Variants in SPATS2L observed in about 807,000 individuals in gnomAD.
The protein encoded by SPATS2L is spermatogenesis associated serine rich 2 like.
Under a neutral mutation model 59.6 loss-of-function variants are expected in SPATS2L, and 30 were observed. The ratio of observed to expected loss-of-function variants is 0.50; its 90% CI spans 0.38 to 0.68. The LOEUF is 0.68. Among genes scored for constraint, SPATS2L ranks in the 30% least tolerant of loss-of-function variants. The pLI is 0.00. For missense variants in SPATS2L, 615 were observed against 700.0 expected (o/e 0.88, Z 1.37); for synonymous variants, 252 against 263.5 (o/e 0.96, Z 0.42).
intron 8 of SPATS2L, among the ~76,000 whole-genome samples, chr2:200,457,488 C>A (rs1169671590): frequency 6.6e-6 from 1 of 152,220 alleles, no homozygotes; most frequent in South Asian, 2.1e-4. Context: ...TCTCACTGTA[C>A]ACCTTTCTGT....
At chr2:200,411,733 A>G (rs1051355512) in intron 3 of SPATS2L, among the ~76,000 whole-genome samples, 42 of 152,196 alleles carry the variant, frequency 2.8e-4, no homozygotes, top group African/African-American at 9.2e-4. Context: ...TCAATGTTTG[A>G]TTTTCAGAAG....
At chr2:200,307,905 G>C (rs7580924) in intron 1 of SPATS2L, among the ~76,000 whole-genome samples, 60,484 of 152,078 alleles carry the variant, frequency 0.4, 13,420 homozygotes, top group East Asian at 0.73. Context: ...CTATATTACA[G>C]GGTTTGTAGC....
At chr2:200,322,222 C>T (rs1273372005) in intron 1 of SPATS2L, among the ~76,000 whole-genome samples, 1 of 152,146 alleles carries the variant, frequency 6.6e-6, no homozygotes, top group Non-Finnish European at 1.5e-5. Context: ...AAGGAAACCT[C>T]AAGGAAGAAA....
At chr2:200,457,341 C>T (rs1441603761) in intron 8 of SPATS2L, among the ~76,000 whole-genome samples, 2 of 152,090 alleles carry the variant, frequency 1.3e-5, no homozygotes, top group African/African-American at 4.8e-5. Context: ...TGACTCAACC[C>T]GGCATTTCAT....
intron 3 of SPATS2L, among the ~76,000 whole-genome samples, chr2:200,405,402 T>C (rs537653741): frequency 6.6e-6 from 1 of 152,286 alleles, no homozygotes; most frequent in East Asian, 1.9e-4. Context: ...AAAGTTAGTT[T>C]TGATTTGTAC....
rs2083246645 is a variant in SPATS2L, at chr2:200,420,076, G to T, written c.445+580G>T. Among the ~76,000 whole-genome samples the T allele has an allele frequency of 2.6e-5, 4 of 151,856 alleles. No homozygotes were observed. The South Asian group carries it at 8.3e-4, about 32-fold the overall frequency. ...GATGTGACAGAACATAATCTTCCAG[G>T]GTGTTAGAATCTGGAACATTAATTA... is the stretch of plus-strand genomic sequence containing the variant. On this transcript the variant is annotated intron_variant, in intron 6 of 12. Coordinates refer to ENST00000409140, the MANE Select transcript of SPATS2L (RefSeq NM_001100423.2).
chr2:200,410,588 C>T (rs1382348930), intron 3 of SPATS2L, among the ~76,000 whole-genome samples: 1 of 152,116 alleles, frequency 6.6e-6, no homozygotes, highest in Non-Finnish European at 1.5e-5. Context: ...CCTCCCTTCT[C>T]ATCCATGCCT....
At chr2:200,343,038 TA>T (rs1386563376) in intron 2 of SPATS2L, among the ~76,000 whole-genome samples, 2 of 152,364 alleles carry the variant, frequency 1.3e-5, no homozygotes, top group East Asian at 3.9e-4. Flanking sequence ...TGATTTTGCC[TA>T]AACTTCAGAT....
At chr2:200,333,787 A>G (rs1441370189) in intron 2 of SPATS2L, among the ~76,000 whole-genome samples, 1 of 152,200 alleles carries the variant, frequency 6.6e-6, no homozygotes, top group Non-Finnish European at 1.5e-5. Context: ...TTTGCTGAGA[A>G]TGATGGATTC....
Position 200,480,475 on chromosome 2 carries a change from C to G in SPATS2L, c.*2444C>G, listed in dbSNP as rs991724987. ...CACTATAGCCTTGAACTCCTGGGCT[C>G]AAGCCATCCTCAGCCTCCCAAGTTG... On this transcript the variant is annotated 3_prime_UTR_variant, in exon 13 of 13. Coordinates refer to ENST00000409140, the MANE Select transcript of SPATS2L (RefSeq NM_001100423.2). 3 of 151,888 alleles carry G rather than the reference C, an allele frequency of 2.0e-5. No homozygotes were observed. The highest frequency in any genetic ancestry group is 4.4e-5 in the Non-Finnish European group (3 of 68,068). 9.4% of individuals were successfully genotyped at this position (151,888 alleles called of 1,614,324 possible).
chr2:200,475,690 A>C (rs2106253162), intron 12 of SPATS2L, among the ~76,000 whole-genome samples: 1 of 152,242 alleles, frequency 6.6e-6, no homozygotes, highest in Non-Finnish European at 1.5e-5. Flanking sequence ...TTCCTTTAAC[A>C]GATGTATGGA....
At chr2:200,327,277 A>T (rs1378666115) in intron 1 of SPATS2L, among the ~76,000 whole-genome samples, 1 of 151,804 alleles carries the variant, frequency 6.6e-6, no homozygotes, top group African/African-American at 2.4e-5. Flanking sequence ...GGTGGCATGC[A>T]CCTGTAATCC....
At chr2:200,430,490 A>G (rs2083848888) in intron 6 of SPATS2L, among the ~76,000 whole-genome samples, 1 of 151,662 alleles carries the variant, frequency 6.6e-6, no homozygotes, top group South Asian at 2.1e-4. Flanking sequence ...GTTAAATTTT[A>G]TTTCAGAATT....
chr2:200,412,270 G>C, intron 3 of SPATS2L, 41 bp from the exon 4 acceptor site: 1 of 1,182,568 alleles, frequency 8.5e-7, no homozygotes. Context: ...AATATTTAAA[G>C]TGTTCACATT....
At chr2:200,376,781 G>C (rs1039387370) in intron 2 of SPATS2L, among the ~76,000 whole-genome samples, 1 of 152,216 alleles carries the variant, frequency 6.6e-6, no homozygotes. Flanking sequence ...CTGAGAGTTC[G>C]TATTTCCTTA....
chr2:200,407,664 T>A (rs186714211), intron 3 of SPATS2L, among the ~76,000 whole-genome samples: 142 of 152,308 alleles, frequency 9.3e-4, no homozygotes, highest in Non-Finnish European at 1.4e-3. Flanking sequence ...TTCTACAGAA[T>A]TAAAATTGTA....
At chr2:200,476,378 T>C (rs899822939) in intron 12 of SPATS2L, among the ~76,000 whole-genome samples, 1 of 152,196 alleles carries the variant, frequency 6.6e-6, no homozygotes, top group African/African-American at 2.4e-5. Flanking sequence ...AAGATATTTG[T>C]TTTGGAATAA....
chr2:200,307,439 C>T (rs1313225532), intron 1 of SPATS2L, among the ~76,000 whole-genome samples: 1 of 151,970 alleles, frequency 6.6e-6, no homozygotes, highest in African/African-American at 2.4e-5. Flanking sequence ...CGCGGCCCCA[C>T]TGAACCCCGC....
At chr2:200,312,645 C>G (rs2079230497) in intron 1 of SPATS2L, among the ~76,000 whole-genome samples, 1 of 152,166 alleles carries the variant, frequency 6.6e-6, no homozygotes, top group Admixed American at 6.5e-5. Flanking sequence ...TCCAGTTTTA[C>G]TGAAGAGCAA....
Sources: allele counts gnomAD v4.1 joint callset (sites outside exome capture counted in the v4.1 genomes callset), GRCh38; gene constraint gnomAD v4.1.1; transcripts MANE v1.5; gene names NCBI Gene and HGNC (gene_info 2026-07-23, HGNC 2026-07-21).